The following CES5A variants were observed in gnomAD, a reference collection of about 807,000 sequenced individuals.
The protein encoded by CES5A is carboxylesterase 5.
CES5A carries 67 observed loss-of-function variants against 62.9 expected under a neutral mutation model. The observed-to-expected ratio is 1.07, with a 90% CI of 0.88 to 1.31. The LOEUF (loss-of-function observed/expected upper bound fraction) is 1.31. Ranked by LOEUF, CES5A falls within the 50% of genes most tolerant of loss-of-function variation. The pLI is 0.00. For missense variants in CES5A, 748 were observed against 708.5 expected (o/e 1.06, Z -0.63); for synonymous variants, 296 against 280.8 (o/e 1.05, Z -0.54).
chr16:55,909,420 A>G (rs1276386142), intron 1 of CES5A, among the ~76,000 whole-genome samples: 1 of 152,236 alleles, frequency 6.6e-6, no homozygotes, highest in Non-Finnish European at 1.5e-5. Context: ...CCAAAAGCAA[A>G]GCAGGAATGA....
chr16:55,861,483 C>T lies in CES5A; in HGVS notation c.844G>A (p.Ala282Thr), dbSNP rs754771409. The change falls in exon 7 of 13, where the codon GCG becomes ACG. Residue 282 changes from alanine (A) to threonine (T), a missense_variant. By Grantham distance (58) the Ala-to-Thr change is moderately conservative (BLOSUM62 0). Transcript: ENST00000290567. ...CTCAGCAGGGCCTCAGAGTCTGACGCATTGTTACCACAGAAATGTGCAACC... is the reference window on the plus strand; with the variant it reads ...CTCAGCAGGGCCTCAGAGTCTGACGTATTGTTACCACAGAAATGTGCAACC... The part of the protein sequence containing the change: ...QVVAHFCGNN[A>T]SDSEALLRCL... 22 of 1,613,728 alleles carry T rather than the reference C, an allele frequency of 1.4e-5. No individual in the cohort carries two copies. The South Asian group carries it at 2.3e-4, about 17-fold the overall frequency.
upstream of CES5A, among the ~76,000 whole-genome samples, chr16:55,875,568 T>A (rs1024910844): frequency 6.6e-6 from 1 of 152,218 alleles, no homozygotes; most frequent in Non-Finnish European, 1.5e-5. Context: ...GAATGAGGTT[T>A]CCAGACCTGC....
chr16:55,943,877 C>A (rs1410508669), intron 2 of CES5A, among the ~76,000 whole-genome samples: 1 of 152,178 alleles, frequency 6.6e-6, no homozygotes, highest in Non-Finnish European at 1.5e-5. Context: ...ATACAAGGAG[C>A]CTGGACCAGA....
intron 1 of CES5A, among the ~76,000 whole-genome samples, chr16:55,901,743 C>T (rs1338838753): frequency 6.6e-6 from 1 of 152,258 alleles, no homozygotes; most frequent in Non-Finnish European, 1.5e-5. Context: ...CAAACACTTA[C>T]ACCTCTCATT....
chr16:55,872,928 G>C (rs1472939723), intron 2 of CES5A, among the ~76,000 whole-genome samples: 1 of 152,184 alleles, frequency 6.6e-6, no homozygotes, highest in Non-Finnish European at 1.5e-5. Flanking sequence ...GCTTAATGGA[G>C]AGCCAGTTAT....
exon 1 of CES5A, chr16:55,925,446 A>T (rs1395289642): frequency 6.6e-6 from 1 of 152,118 alleles, no homozygotes; most frequent in Non-Finnish European, 1.5e-5. Context: ...TATGGAGAAC[A>T]GTTTGGAGTT....
At chr16:55,920,547 T>C (rs983580685) in intron 1 of CES5A, among the ~76,000 whole-genome samples, 3 of 152,194 alleles carry the variant, frequency 2.0e-5, no homozygotes, top group Non-Finnish European at 1.5e-5. Flanking sequence ...GCTTAGATCA[T>C]TTATTAGAAG....
Position 55,884,160 on chromosome 16 carries a change from A to T in CES5A, c.-255-10123T>A, listed in dbSNP as rs575969036. Among the ~76,000 whole-genome samples the T allele has an allele frequency of 6.1e-4, 93 of 152,352 alleles. 1 individual carries two copies. Among genetic ancestry groups the T allele is most frequent in the African/African-American group, 2.2e-3 (91 of 41,588 alleles). ...TTTCTAAGGATCTGGCCACCTTTTC[A>T]TTCAGCGGTTTCAAGATCTGACAAT... On this transcript the variant is annotated intron_variant, in intron 1 of 12. Transcript: ENST00000518005.
upstream of CES5A, among the ~76,000 whole-genome samples, chr16:55,927,068 T>C (rs1343618481): frequency 6.6e-6 from 1 of 152,152 alleles, no homozygotes; most frequent in Non-Finnish European, 1.5e-5. Context: ...AATCCCTGTC[T>C]CTCACCATAT....
At chr16:55,852,516 C>A (rs1361750438) in intron 10 of CES5A, among the ~76,000 whole-genome samples, 1 of 152,130 alleles carries the variant, frequency 6.6e-6, no homozygotes. Context: ...TTTAGGAGTT[C>A]CATTACTCCT....
At chr16:55,903,610 G>T (rs1321636212) in intron 1 of CES5A, among the ~76,000 whole-genome samples, 1 of 152,180 alleles carries the variant, frequency 6.6e-6, no homozygotes, top group African/African-American at 2.4e-5. Context: ...AGCTCTCAGA[G>T]ACTAATAAGG....
Position 55,946,053 on chromosome 16 carries a change from T to C in CES5A, c.160+3732A>G, listed in dbSNP as rs139301525. ...TTTAAATAATGAATGGAATTTACAG[T>C]AGCATTCGGAATTCACTTAAGCAAT... On this transcript the variant is annotated intron_variant, in intron 2 of 13. Transcript: ENST00000521992. 7.7e-4 allele frequency among the ~76,000 whole-genome samples: 117 copies of C among 152,318 alleles called. No individual in the cohort carries two copies. The East Asian group carries it at 0.021, about 27-fold the overall frequency.
rs1360782467 is a variant in CES5A, at chr16:55,846,247, T to C, written c.*204A>G. ...CCCTCTTCCAAATTTATTGAAGAAATCTTGTTGCCTTCCAAGACAAATTGC... is the reference window on the plus strand; with the variant it reads ...CCCTCTTCCAAATTTATTGAAGAAACCTTGTTGCCTTCCAAGACAAATTGC... On this transcript the variant is annotated 3_prime_UTR_variant, in exon 13 of 13. Transcript: ENST00000290567. 13 of 590,400 alleles carry C rather than the reference T, an allele frequency of 2.2e-5. No homozygotes were observed. Among genetic ancestry groups the C allele is most frequent in the Non-Finnish European group, 3.6e-5 (12 of 333,426 alleles). 36.6% of individuals were successfully genotyped at this position (590,400 alleles called of 1,614,324 possible).
exon 2 of CES5A, chr16:55,949,835 G>T: frequency 6.6e-7 from 1 of 1,525,146 alleles, no homozygotes; most frequent in Non-Finnish European, 8.8e-7. Flanking sequence ...TACATACAAA[G>T]TTGAGGAGGC....
intron 1 of CES5A, among the ~76,000 whole-genome samples, chr16:55,909,928 G>A (rs1278153652): frequency 1.3e-5 from 2 of 152,170 alleles, no homozygotes; most frequent in Admixed American, 1.3e-4. Flanking sequence ...ACTGTCTGCT[G>A]AGCCTGTTAG....
intron 8 of CES5A, among the ~76,000 whole-genome samples, chr16:55,857,748 A>G (rs1479232238): frequency 6.6e-6 from 1 of 152,210 alleles, no homozygotes; most frequent in Non-Finnish European, 1.5e-5. Flanking sequence ...TCTAGCATTT[A>G]CTGAGCACTG....
chr16:55,923,966 A>G (rs1236481736), intron 1 of CES5A, among the ~76,000 whole-genome samples: 2 of 151,978 alleles, frequency 1.3e-5, no homozygotes, highest in Non-Finnish European at 2.9e-5. Flanking sequence ...TTCATACTGA[A>G]TGGGAAACAA....
intron 1 of CES5A, among the ~76,000 whole-genome samples, chr16:55,951,915 G>A (rs1312120412): frequency 6.6e-6 from 1 of 152,148 alleles, no homozygotes; most frequent in Admixed American, 6.5e-5. Flanking sequence ...GACAGTTAGA[G>A]AGAGTCTGAA....
At chr16:55,901,027 G>A (rs1376216953) in intron 1 of CES5A, among the ~76,000 whole-genome samples, 1 of 152,172 alleles carries the variant, frequency 6.6e-6, no homozygotes, top group Non-Finnish European at 1.5e-5. Flanking sequence ...TGGTTTGGCT[G>A]TGTCCCCACC....
Sources: allele counts gnomAD v4.1 joint callset (sites outside exome capture counted in the v4.1 genomes callset), GRCh38; gene constraint gnomAD v4.1.1; transcripts MANE v1.5; gene names NCBI Gene and HGNC (gene_info 2026-07-23, HGNC 2026-07-21).